The following TTC17 variants were observed in gnomAD, a reference collection of about 807,000 sequenced individuals.
The protein encoded by TTC17 is tetratricopeptide repeat protein 17.
A neutral mutation model predicts 143.8 loss-of-function variants in TTC17; 58 were observed. The ratio of observed to expected loss-of-function variants is 0.40; its 90% CI spans 0.33 to 0.50. The LOEUF (loss-of-function observed/expected upper bound fraction) is 0.50. TTC17 is among the 20% of genes least tolerant of loss of function. TTC17 has a pLI of 0.49. For synonymous variants in TTC17, 501 were observed against 497.8 expected (o/e 1.01, Z -0.09); for missense variants, 1,273 against 1,392.5 (o/e 0.91, Z 1.37).
intron 21 of TTC17, among the ~76,000 whole-genome samples, chr11:43,477,299 A>G (rs1299306815): frequency 6.6e-6 from 1 of 152,144 alleles, no homozygotes; most frequent in East Asian, 1.9e-4. Context: ...GAGCCCTTCA[A>G]ACTGTTCTAA....
At chr11:43,382,804 C>T (rs1049949673) in intron 2 of TTC17, among the ~76,000 whole-genome samples, 3 of 152,162 alleles carry the variant, frequency 2.0e-5, no homozygotes, top group African/African-American at 7.2e-5. Flanking sequence ...GTTCAGTGAA[C>T]CTTGAGTACC....
chr11:43,407,548 C>T lies in TTC17; in HGVS notation c.2035C>T (p.Leu679Phe), dbSNP rs745968558. 1.2e-6 allele frequency: 2 copies of T among 1,614,004 alleles called. No homozygotes were observed. The highest frequency in any genetic ancestry group is 1.7e-6 in the Non-Finnish European group (2 of 1,179,960). Residue 679 changes from leucine (L) to phenylalanine (F), a missense_variant, in exon 15 of 24, where the codon CTT becomes TTT. Transcript: ENST00000039989. ...TCATCTTGATGCCACTAAGCTGCTA[C>T]TTCAAGCTTTGGCCATCAATAGCTC... is the stretch of plus-strand genomic sequence containing the variant. ...GLHLDATKLL[L>F]QALAINSSEP... is the part of the protein sequence containing the mutation.
intron 1 of TTC17, chr11:43,370,086 C>T (rs1426281519): frequency 2.2e-6 from 1 of 455,332 alleles, no homozygotes; most frequent in Non-Finnish European, 4.4e-6. Flanking sequence ...CAGTTATAGC[C>T]AGGAGCCCAT....
At chr11:43,486,157 T>TC (rs35598925) in intron 21 of TTC17, among the ~76,000 whole-genome samples, 61,619 of 151,778 alleles carry the variant, frequency 0.41, 13,263 homozygotes, top group African/African-American at 0.52. Context: ...TACGCCATAG[T>TC]CCCCCCCTTA....
chr11:43,451,168 T>A lies in TTC17; in HGVS notation c.2947-14T>A. 1 of 1,611,126 alleles carries A rather than the reference T, an allele frequency of 6.2e-7. No individual in the cohort carries two copies. ...GTTTTCATTCTTCTAATCTACTATC[T>A]TCCTTCCTTCCAGGTATTACAAAAT... is the stretch of plus-strand genomic sequence containing the variant. On this transcript the variant is annotated splice_polypyrimidine_tract_variant and intron_variant, in intron 20 of 23. Coordinates refer to ENST00000039989, the MANE Select transcript of TTC17 (RefSeq NM_018259.6).
intron 1 of TTC17, among the ~76,000 whole-genome samples, chr11:43,359,546 A>G (rs183332987): frequency 6.6e-6 from 1 of 152,286 alleles, no homozygotes; most frequent in African/African-American, 2.4e-5. Flanking sequence ...ATGGTATGAC[A>G]GCTTCTGGAC....
intron 21 of TTC17, among the ~76,000 whole-genome samples, chr11:43,479,046 C>G (rs1948238244): frequency 6.6e-6 from 1 of 152,118 alleles, no homozygotes; most frequent in Non-Finnish European, 1.5e-5. Flanking sequence ...CGAGACTAGC[C>G]TGGTCAACAT....
At chr11:43,485,530 T>G (rs1564985210) in intron 21 of TTC17, among the ~76,000 whole-genome samples, 1 of 152,162 alleles carries the variant, frequency 6.6e-6, no homozygotes, top group Non-Finnish European at 1.5e-5. Flanking sequence ...TTGTTTTAAT[T>G]AAAGAAAGGC....
chr11:43,443,643 A>G, intron 17 of TTC17, 59 bp downstream of exon 17: 1 of 1,546,306 alleles, frequency 6.5e-7, no homozygotes, highest in South Asian at 1.3e-5. Context: ...GGGGATCCTA[A>G]TATGCAAAGT....
At chr11:43,374,993 A>C (rs1233125806) in intron 1 of TTC17, among the ~76,000 whole-genome samples, 2 of 152,248 alleles carry the variant, frequency 1.3e-5, no homozygotes, top group Non-Finnish European at 2.9e-5. Context: ...GTTTAGAAAT[A>C]ACACATCAAT....
intron 16 of TTC17, 34 bp downstream of exon 16, chr11:43,414,810 G>A: frequency 2.5e-6 from 4 of 1,595,336 alleles, no homozygotes; most frequent in Non-Finnish European, 1.7e-6. Flanking sequence ...AAACTAATGA[G>A]CTCAGCCAGA....
chr11:43,425,647 A>G (rs1034031808), intron 16 of TTC17, among the ~76,000 whole-genome samples: 3 of 152,172 alleles, frequency 2.0e-5, no homozygotes, highest in Non-Finnish European at 4.4e-5. Flanking sequence ...TCTGCCATAT[A>G]TATGTGTACA....
At position 43,492,731 on chromosome 11, in the gene TTC17, G is replaced by A. The variant is rs138955634; in HGVS notation, c.3294+568G>A. On this transcript the variant is annotated intron_variant, in intron 23 of 23. Coordinates refer to ENST00000039989, the MANE Select transcript of TTC17 (RefSeq NM_018259.6). ...AGTAGTTAATGAATGAAGAAATTCC[G>A]CTAGTTTCATGGAATACCATTTACA... Among the ~76,000 whole-genome samples the A allele has an allele frequency of 4.5e-3, 685 of 152,248 alleles. 4 individuals are homozygous for A. The highest frequency in any genetic ancestry group is 0.016 in the African/African-American group (644 of 41,530).
chr11:43,406,157 G>T (rs184307090), intron 13 of TTC17, among the ~76,000 whole-genome samples: 1 of 152,270 alleles, frequency 6.6e-6, no homozygotes, highest in East Asian at 1.9e-4. Flanking sequence ...GCTGCTATAC[G>T]TAGATCACCT....
intron 21 of TTC17, among the ~76,000 whole-genome samples, chr11:43,464,139 G>A (rs1034293175): frequency 2.0e-5 from 3 of 152,062 alleles, no homozygotes; most frequent in Admixed American, 6.6e-5. Flanking sequence ...AATTAGCTGG[G>A]CGTGGTGGTG....
At chr11:43,419,315 C>T (rs1368654901) in intron 16 of TTC17, among the ~76,000 whole-genome samples, 3 of 152,206 alleles carry the variant, frequency 2.0e-5, no homozygotes, top group Non-Finnish European at 2.9e-5. Flanking sequence ...AAATCATATA[C>T]GTGAGATTTA....
chr11:43,362,141 C>T (rs1401041266), intron 1 of TTC17, among the ~76,000 whole-genome samples: 1 of 144,652 alleles, frequency 6.9e-6, no homozygotes, highest in Non-Finnish European at 1.5e-5. Flanking sequence ...CTACCACACC[C>T]GGCTAATTTG....
At chr11:43,387,811 A>C (rs1173713117) in intron 2 of TTC17, among the ~76,000 whole-genome samples, 1 of 152,244 alleles carries the variant, frequency 6.6e-6, no homozygotes, top group East Asian at 1.9e-4. Context: ...GTGATGTATC[A>C]TGTAAGGAGG....
At chr11:43,419,354 T>C (rs576910099) in intron 16 of TTC17, among the ~76,000 whole-genome samples, 1 of 152,358 alleles carries the variant, frequency 6.6e-6, no homozygotes, top group South Asian at 2.1e-4. Context: ...AGATGGATTA[T>C]CTTGTCTTCA....
Sources: allele counts gnomAD v4.1 joint callset (sites outside exome capture counted in the v4.1 genomes callset), GRCh38; gene constraint gnomAD v4.1.1; transcripts MANE v1.5; gene names NCBI Gene and HGNC (gene_info 2026-07-23, HGNC 2026-07-21).